Variants in ASTN2 observed in about 807,000 individuals in gnomAD.
ASTN2 encodes the protein astrotactin 2, also known as astrotactin-2.
ASTN2 carries 54 observed loss-of-function variants against 139.8 expected under a neutral mutation model. The ratio of observed to expected loss-of-function variants is 0.39; its 90% CI spans 0.31 to 0.48. ASTN2 has a LOEUF of 0.48. ASTN2 is among the 20% of genes least tolerant of loss of function. The pLI, the probability that ASTN2 is intolerant of heterozygous loss-of-function variation, is 0.95. For synonymous variants in ASTN2, 756 were observed against 719.5 expected (o/e 1.05, Z -0.81); for missense variants, 1,565 against 1,725.1 (o/e 0.91, Z 1.64).
Position 117,002,690 on chromosome 9 carries a change from T to C in ASTN2, c.1591+5402A>G, listed in dbSNP as rs185258480. ...AAATTCCGTTCTTCCTTCCTGCTTG[T>C]ATTATTCTTTGTCTCTTAATTACAT... On this transcript the variant is annotated intron_variant, in intron 7 of 22. Coordinates refer to ENST00000313400, the MANE Select transcript of ASTN2 (RefSeq NM_001365068.1). Among the ~76,000 whole-genome samples the C allele has an allele frequency of 3.3e-5, 5 of 152,332 alleles. No homozygotes were observed. The East Asian group carries it at 7.7e-4, about 24-fold the overall frequency.
intron 4 of ASTN2, among the ~76,000 whole-genome samples, chr9:117,127,672 GTTTTTTTTTTT>G (rs11427891): frequency 1.1e-4 from 8 of 70,892 alleles, no homozygotes; most frequent in Non-Finnish European, 1.8e-4. Flanking sequence ...TTTTGTTTTG[GTTTTTTTTTTT>G]TTTTTTTTTT....
At chr9:117,327,268 G>A (rs1008132804) in intron 1 of ASTN2, among the ~76,000 whole-genome samples, 2 of 152,110 alleles carry the variant, frequency 1.3e-5, no homozygotes, top group African/African-American at 4.8e-5. Context: ...TGTGGCCCAG[G>A]GATTGGGGAC....
intron 10 of ASTN2, among the ~76,000 whole-genome samples, chr9:116,963,703 C>A (rs1338117465): frequency 6.6e-6 from 1 of 152,202 alleles, no homozygotes; most frequent in African/African-American, 2.4e-5. Flanking sequence ...CCTCCAAGCT[C>A]ACTCTCAGCT....
rs1317847623 is a variant in ASTN2 at position 116,813,666 on chromosome 9, G to A, written c.2207+6951C>T. 2.6e-5 allele frequency among the ~76,000 whole-genome samples: 4 copies of A among 151,986 alleles called. No homozygotes were observed. In the East Asian group the frequency reaches 7.7e-4, roughly 29 times the overall value. The stretch of plus-strand genomic sequence containing the variant: ...TTATTAATTTATTCTTCAATGGTTT[G>A]TGGAATCAACAGAATTATCAAAATA... On this transcript the variant is annotated intron_variant, in intron 12 of 22. Coordinates refer to ENST00000313400, the MANE Select transcript of ASTN2 (RefSeq NM_001365068.1).
intron 10 of ASTN2, among the ~76,000 whole-genome samples, chr9:116,899,359 C>T (rs1833952212): frequency 6.6e-6 from 1 of 152,164 alleles, no homozygotes; most frequent in Non-Finnish European, 1.5e-5. Flanking sequence ...GGGCTGTTTC[C>T]TCACCTGGAA....
chr9:116,977,419 C>T (rs1461897199), intron 7 of ASTN2, among the ~76,000 whole-genome samples: 2 of 152,038 alleles, frequency 1.3e-5, no homozygotes, highest in Admixed American at 6.6e-5. Context: ...CATTCTTTTT[C>T]ATTTCTTTCC....
At chr9:117,185,404 T>C (rs1214770578) in intron 3 of ASTN2, among the ~76,000 whole-genome samples, 1 of 88,184 alleles carries the variant, frequency 1.1e-5, no homozygotes, top group African/African-American at 3.8e-5. Flanking sequence ...GGACAGGATA[T>C]GATGTTTGAG....
intron 11 of ASTN2, among the ~76,000 whole-genome samples, chr9:116,826,921 T>C (rs945095377): frequency 1.3e-5 from 2 of 152,178 alleles, no homozygotes; most frequent in African/African-American, 2.4e-5. Flanking sequence ...ATGTGTATTA[T>C]ACAGCAAAAT....
chr9:117,141,453 T>C lies in ASTN2; in HGVS notation c.1041A>G (p.Thr347=), dbSNP rs1293886831. Residue 347 remains threonine, a synonymous_variant, in exon 4 of 23, where the codon ACA becomes ACG. Coordinates refer to ENST00000313400, the MANE Select transcript of ASTN2 (RefSeq NM_001365068.1). ...KKAAAEATQE[T]VESLMQKFKE... ...TGAACTTCTGCATCAGGGACTCCACTGTCTCCTGAGTCGCCTCAGCTGCTG... is the reference window on the plus strand; with the variant it reads ...TGAACTTCTGCATCAGGGACTCCACCGTCTCCTGAGTCGCCTCAGCTGCTG... 8.0e-6 allele frequency: 11 copies of C among 1,367,276 alleles called. No homozygotes were observed. The highest frequency in any genetic ancestry group is 1.1e-5 in the Non-Finnish European group (11 of 1,021,832). The allele number at this position is 1,367,276 out of a possible 1,614,324, so 84.7% of individuals were successfully genotyped here. A position where few individuals can be genotyped will look rare whatever the true frequency, so the allele number is the denominator to read the frequency against.
At chr9:116,783,907 A>G (rs1830291001) in intron 13 of ASTN2, among the ~76,000 whole-genome samples, 1 of 152,224 alleles carries the variant, frequency 6.6e-6, no homozygotes, top group African/African-American at 2.4e-5. Context: ...ACTTAGTTGT[A>G]TAGATACTTT....
chr9:117,340,135 G>C (rs1829018716), intron 1 of ASTN2, among the ~76,000 whole-genome samples: 1 of 151,668 alleles, frequency 6.6e-6, no homozygotes, highest in East Asian at 2.0e-4. Flanking sequence ...GACCAGCCTA[G>C]CCAACCTGGT....
intron 10 of ASTN2, among the ~76,000 whole-genome samples, chr9:116,939,211 C>A (rs1835159119): frequency 6.6e-6 from 1 of 152,166 alleles, no homozygotes; most frequent in Non-Finnish European, 1.5e-5. Flanking sequence ...ATAGTGCCAA[C>A]ACTGTGGCCT....
chr9:117,032,502 C>T (rs1477466831), intron 6 of ASTN2, among the ~76,000 whole-genome samples: 1 of 152,146 alleles, frequency 6.6e-6, no homozygotes, highest in South Asian at 2.1e-4. Flanking sequence ...AGGAACTACT[C>T]GTTTTAAATA....
At chr9:117,161,323 G>T (rs941527957) in intron 3 of ASTN2, among the ~76,000 whole-genome samples, 20 of 152,020 alleles carry the variant, frequency 1.3e-4, no homozygotes, top group African/African-American at 4.6e-4. Flanking sequence ...AAGGGCTGGG[G>T]GTTAAAAGTG....
intron 3 of ASTN2, among the ~76,000 whole-genome samples, chr9:117,148,994 C>CT (rs938696061): frequency 2.5e-4 from 37 of 148,282 alleles, no homozygotes; most frequent in African/African-American, 3.7e-4. Flanking sequence ...CAGTTTCTTT[C>CT]TTTTTTTTTT....
At chr9:116,651,897 T>C (rs779620097) in intron 16 of ASTN2, 104 bp from the exon 17 acceptor site, 82 of 1,386,876 alleles carry the variant, frequency 5.9e-5, no homozygotes, top group Middle Eastern at 2.1e-4. Flanking sequence ...CTGGTATCCA[T>C]TGAGGAAGTA....
intron 13 of ASTN2, among the ~76,000 whole-genome samples, chr9:116,775,203 T>A (rs1472284903): frequency 6.6e-6 from 1 of 151,320 alleles, no homozygotes; most frequent in Non-Finnish European, 1.5e-5. Flanking sequence ...TTCCACTGAG[T>A]CCCTCAGCAG....
rs185299177 is a variant in ASTN2 at position 116,655,100 on chromosome 9, A to C, written c.2807-3307T>G. ...CTATAATCTGGTGCAACCCCATTGA[A>C]ACCTATTACCAAAATAAGGAAAGGG... On this transcript the variant is annotated intron_variant, in intron 16 of 22. Transcript: ENST00000313400. Among the ~76,000 whole-genome samples the C allele has an allele frequency of 1.7e-4, 26 of 152,288 alleles. No individual in the cohort carries two copies. In the East Asian group the frequency reaches 4.8e-3, roughly 28 times the overall value.
intron 5 of ASTN2, among the ~76,000 whole-genome samples, chr9:117,051,952 A>G (rs1838922699): frequency 6.6e-6 from 1 of 152,132 alleles, no homozygotes. Flanking sequence ...AATAAACCAT[A>G]CCCAAACATT....
Sources: allele counts gnomAD v4.1 joint callset (sites outside exome capture counted in the v4.1 genomes callset), GRCh38; gene constraint gnomAD v4.1.1; transcripts MANE v1.5; gene names NCBI Gene and HGNC (gene_info 2026-07-23, HGNC 2026-07-21).